The following CCDC62 variants were observed in gnomAD, a reference collection of about 807,000 sequenced individuals.
CCDC62 encodes coiled-coil domain-containing protein 62.
CCDC62 carries 72 observed loss-of-function variants against 80.8 expected under a neutral mutation model. The observed-to-expected ratio is 0.89, with a 90% confidence interval of 0.74 to 1.08. The LOEUF is 1.08. Among genes scored for constraint, CCDC62 ranks in the 50% least tolerant of loss-of-function variants. The pLI, the probability that CCDC62 is intolerant of heterozygous loss-of-function variation, is 0.00. For synonymous variants in CCDC62, 286 were observed against 296.5 expected, an observed-to-expected ratio of 0.96 and a Z score of 0.36; for missense variants, 704 against 809.4, an observed-to-expected ratio of 0.87 and a Z score of 1.58.
At chr12:122,777,349 CTT>C in intron 1 of CCDC62, 140 bp from the exon 2 acceptor site, 1 of 649,174 alleles carries the variant, frequency 1.5e-6, no homozygotes, top group Non-Finnish European at 2.6e-6. Flanking sequence ...TATACATAAT[CTT>C]TTGCTGCCAT....
intron 12 of CCDC62, among the ~76,000 whole-genome samples, chr12:122,825,765 C>T (rs559974145): frequency 1.9e-4 from 29 of 149,816 alleles, no homozygotes; most frequent in Admixed American, 5.3e-4. Flanking sequence ...GTGGGCGGAT[C>T]GCCTGAGGTC....
chr12:122,775,897 G>A (rs2135522123), intron 1 of CCDC62, among the ~76,000 whole-genome samples: 1 of 152,370 alleles, frequency 6.6e-6, no homozygotes, highest in South Asian at 2.1e-4. Flanking sequence ...ACAGGCGTGA[G>A]CCACTGAGCC....
At chr12:122,781,030 T>G in intron 2 of CCDC62, 134 bp from the exon 3 acceptor site, 1 of 662,836 alleles carries the variant, frequency 1.5e-6, no homozygotes, top group Non-Finnish European at 2.5e-6. Flanking sequence ...GTGCATTTCA[T>G]AATAAAAGGT....
rs34620795 is a variant in CCDC62, at chr12:122,820,061, CAAAA to C, written c.2002-3286_2002-3283del. ...TGAGCGATACAGCAAGATCCTGTCT[CAAAA>C]AAAAAAAAAAAAAAAAAAGAAGAAG... On this transcript the variant is annotated intron_variant, in intron 11 of 12. Coordinates refer to ENST00000253079, the MANE Select transcript of CCDC62 (RefSeq NM_201435.5). Among the ~76,000 whole-genome samples the C allele has an allele frequency of 2.4e-4, 14 of 58,114 alleles. No homozygotes were observed. The South Asian group carries it at 3.3e-3, about 14-fold the overall frequency. The allele number at this position is 58,114 out of a possible 152,430, so 38.1% of individuals were successfully genotyped here. A position where few individuals can be genotyped will look rare whatever the true frequency, so the allele number is the denominator to read the frequency against.
At position 122,801,406 on chromosome 12, in the gene CCDC62, A is replaced by T; in HGVS notation, c.1260A>T (p.Glu420Asp). 1 of 1,614,152 alleles carries T rather than the reference A, an allele frequency of 6.2e-7. No individual in the cohort carries two copies. The change falls in exon 9 of 13, where the codon GAA becomes GAT. Residue 420 changes from glutamate (E) to aspartate (D), a missense_variant. Coordinates refer to ENST00000253079, the MANE Select transcript of CCDC62 (RefSeq NM_201435.5). ...CTCTGGGAGGAAAAACCCAGATTGA[A>T]CCCGAAAACAAAATTACATTGTGCA... ...PWSLGGKTQI[E>D]PENKITLCKI...
intron 2 of CCDC62, among the ~76,000 whole-genome samples, chr12:122,780,341 T>C (rs1240590257): frequency 2.1e-4 from 27 of 127,446 alleles, no homozygotes; most frequent in African/African-American, 6.3e-4. Context: ...AGGCCGGGCA[T>C]GGTGGCTCAC....
chr12:122,816,744 C>G (rs569578514), intron 11 of CCDC62, among the ~76,000 whole-genome samples: 232 of 151,998 alleles, frequency 1.5e-3, no homozygotes, highest in Non-Finnish European at 2.5e-3. Flanking sequence ...AAAAGAGAGA[C>G]AGAATTCACA....
chr12:122,802,045 T>A (rs2031345463), intron 9 of CCDC62, among the ~76,000 whole-genome samples, 193 bp downstream of exon 9: 1 of 152,188 alleles, frequency 6.6e-6, no homozygotes, highest in Non-Finnish European at 1.5e-5. Flanking sequence ...TTATAGAGGC[T>A]CTATTAGGTT....
chr12:122,826,450 C>G lies in CCDC62; in HGVS notation c.*69C>G, dbSNP rs1433446117. On this transcript the variant is annotated 3_prime_UTR_variant, in exon 13 of 13. Coordinates refer to ENST00000253079, the MANE Select transcript of CCDC62 (RefSeq NM_201435.5). ...TCTCATCTATGTGGAAGGCAGAAAG[C>G]AGACACCAATACTGAATGAATACTT... 2 of 779,944 alleles carry G rather than the reference C, an allele frequency of 2.6e-6. No homozygotes were observed. The highest frequency in any genetic ancestry group is 3.4e-5 in the African/African-American group (2 of 59,110). The allele number at this position is 779,944 out of a possible 1,614,324, so 48.3% of individuals were successfully genotyped here. A position where few individuals can be genotyped will look rare whatever the true frequency, so the allele number is the denominator to read the frequency against.
chr12:122,809,422 G>A (rs560732724), intron 10 of CCDC62, among the ~76,000 whole-genome samples: 1 of 152,128 alleles, frequency 6.6e-6, no homozygotes, highest in African/African-American at 2.4e-5. Flanking sequence ...CCCGGGAGGC[G>A]GAGGCTGCAG....
Position 122,803,458 on chromosome 12 carries a change from TA to T in CCDC62, c.1706+1610del, listed in dbSNP as rs561512558. On this transcript the variant is annotated intron_variant, in intron 9 of 12. Coordinates refer to ENST00000253079, the MANE Select transcript of CCDC62 (RefSeq NM_201435.5). ...GTCGTCATAATAATGTCTGCTATTT[TA>T]AAATAAAGCATAGCTCTTTAATCTT... is the stretch of plus-strand genomic sequence containing the variant. 3.1e-3 allele frequency among the ~76,000 whole-genome samples: 469 copies of T among 152,316 alleles called. 12 individuals carry two copies. The highest frequency in any genetic ancestry group is 7.8e-4 in the Non-Finnish European group (53 of 68,022).
chr12:122,807,912 C>T (rs934639506), intron 10 of CCDC62, among the ~76,000 whole-genome samples: 7 of 152,156 alleles, frequency 4.6e-5, no homozygotes, highest in African/African-American at 9.7e-5. Flanking sequence ...TTGAGATTAA[C>T]TTATGTGACT....
intron 6 of CCDC62, among the ~76,000 whole-genome samples, chr12:122,795,903 A>G (rs757127650): frequency 6.6e-6 from 1 of 152,176 alleles, no homozygotes; most frequent in Non-Finnish European, 1.5e-5. Context: ...AGCAGGTTCC[A>G]GGCGTCTAAG....
At chr12:122,806,808 A>AT (rs34715872) in intron 10 of CCDC62, among the ~76,000 whole-genome samples, 14 of 137,288 alleles carry the variant, frequency 1.0e-4, no homozygotes, top group East Asian at 6.1e-4. Context: ...GAAAAATTGT[A>AT]TTTTTTTTTT....
chr12:122,791,841 G>A lies in CCDC62; in HGVS notation c.671-179G>A, dbSNP rs551872994. ...GGAGGTCAGTCAGATGAGAGCAAGC[G>A]AAGCCTCCAACCAGGGGTCCTTGCC... On this transcript the variant is annotated intron_variant, in intron 5 of 12. Coordinates refer to ENST00000253079, the MANE Select transcript of CCDC62 (RefSeq NM_201435.5). Among the ~76,000 whole-genome samples, 116 of 152,336 alleles carry A rather than the reference G, an allele frequency of 7.6e-4. 1 individual carries two copies. Among genetic ancestry groups the A allele is most frequent in the African/African-American group, 2.7e-3 (113 of 41,584 alleles).
At chr12:122,805,407 G>A (rs1388193437) in intron 9 of CCDC62, among the ~76,000 whole-genome samples, 1 of 140,246 alleles carries the variant, frequency 7.1e-6, no homozygotes, top group South Asian at 2.3e-4. Flanking sequence ...GCAGTGGTGC[G>A]ATCTTGGCTC....
chr12:122,793,232 G>T (rs866269356), intron 6 of CCDC62, among the ~76,000 whole-genome samples: 6 of 152,140 alleles, frequency 3.9e-5, no homozygotes, highest in Middle Eastern at 3.2e-3. Context: ...CAGAGTAGGG[G>T]TTTTTTAATG....
At chr12:122,791,258 C>T (rs2030583978) in intron 5 of CCDC62, among the ~76,000 whole-genome samples, 1 of 151,994 alleles carries the variant, frequency 6.6e-6, no homozygotes, top group Non-Finnish European at 1.5e-5. Context: ...CCTGCCTCAG[C>T]CTTCTGAGTA....
At chr12:122,774,738 C>T in intron 1 of CCDC62, 32 bp downstream of exon 1, 1 of 1,242,702 alleles carries the variant, frequency 8.0e-7, no homozygotes, top group Non-Finnish European at 1.0e-6. Context: ...GGCGGGGCGC[C>T]GCGGGAACGG....
Sources: allele counts gnomAD v4.1 joint callset (sites outside exome capture counted in the v4.1 genomes callset), GRCh38; gene constraint gnomAD v4.1.1; transcripts MANE v1.5; gene names NCBI Gene and HGNC (gene_info 2026-07-23, HGNC 2026-07-21).